The following HTT variants were observed in gnomAD, a reference collection of about 807,000 sequenced individuals.
The protein encoded by HTT is huntington disease protein.
HTT carries 104 observed loss-of-function variants against 362.3 expected under a neutral mutation model. That is an observed-to-expected ratio of 0.29 (90% confidence interval 0.24 to 0.34). The LOEUF (loss-of-function observed/expected upper bound fraction) is 0.34, where lower values mean the gene tolerates loss of function less well. Ranked by LOEUF, HTT falls within the 10% of genes least tolerant of loss-of-function variation. The pLI is 1.00. For missense variants in HTT, 3,301 were observed against 3,928.6 expected, an observed-to-expected ratio of 0.84 and a Z score of 4.27; for synonymous variants, 1,577 against 1,548.7, an observed-to-expected ratio of 1.02 and a Z score of -0.43.
chr4:3,103,714 T>C (rs1714273720), intron 3 of HTT, 110 bp from the exon 4 acceptor site: 2 of 687,910 alleles, frequency 2.9e-6, no homozygotes, highest in East Asian at 2.5e-5. Context: ...TTAATTTAGT[T>C]GCTATTATGT....
intron 61 of HTT, among the ~76,000 whole-genome samples, chr4:3,234,739 G>A (rs949027726): frequency 6.6e-6 from 1 of 152,218 alleles, no homozygotes; most frequent in East Asian, 1.9e-4. Context: ...CGTGGTGACA[G>A]ATATACGCAT....
At chr4:3,225,150 G>A (rs768097762) in intron 56 of HTT, among the ~76,000 whole-genome samples, 1 of 151,986 alleles carries the variant, frequency 6.6e-6, no homozygotes, top group Non-Finnish European at 1.5e-5. Flanking sequence ...GCTGGCCTGG[G>A]GCGTGGGGGG....
At chr4:3,224,154 G>A in intron 56 of HTT, 23 bp downstream of exon 56, 1 of 1,613,272 alleles carries the variant, frequency 6.2e-7, no homozygotes, top group Non-Finnish European at 8.5e-7. Context: ...AAGGGTGCGG[G>A]GGAGCGGTTG....
At chr4:3,094,545 G>GC (rs927780207) in intron 2 of HTT, among the ~76,000 whole-genome samples, 2 of 143,766 alleles carry the variant, frequency 1.4e-5, no homozygotes, top group Middle Eastern at 8.5e-3. Context: ...GGCGGGGGCT[G>GC]CCCCCCACCT....
At chr4:3,217,011 C>T (rs960055962) in intron 51 of HTT, among the ~76,000 whole-genome samples, 1 of 148,596 alleles carries the variant, frequency 6.7e-6, no homozygotes, top group Non-Finnish European at 1.5e-5. Flanking sequence ...GGCGACAGAG[C>T]AAGACTCCGT....
At position 3,233,189 on chromosome 4, in the gene HTT, C is replaced by A; in HGVS notation, c.8292C>A (p.Ser2764Arg). The part of the protein sequence containing the change: ...GMDKAVAEPV[S>R]RLLESTLRSS... ...ACAAGGCCGTGGCGGAGCCTGTCAG[C>A]CGCCTGCTGGAGAGCACGCTCAGGA... The change falls in exon 61 of 67, where the codon AGC becomes AGA. Residue 2764 changes from serine to arginine, a missense_variant. Coordinates refer to ENST00000355072, the MANE Select transcript of HTT (RefSeq NM_001388492.1). 1 of 1,591,036 alleles carries A rather than the reference C, an allele frequency of 6.3e-7. No individual in the cohort carries two copies.
intron 2 of HTT, among the ~76,000 whole-genome samples, chr4:3,097,892 T>G (rs1283583988): frequency 6.6e-6 from 1 of 152,242 alleles, no homozygotes; most frequent in Non-Finnish European, 1.5e-5. Flanking sequence ...CTGAATTTTA[T>G]GAAGTCTAAT....
At position 3,169,050 on chromosome 4, in the gene HTT, G is replaced by A. The variant is rs112634454; in HGVS notation, c.3865-3270G>A. ...TTTTTTTTTTTTGAGACAGTGTCTCGCTCTGTCGCCTGCGTTGGAGTGCAG... is the reference window on the plus strand; with the variant it reads ...TTTTTTTTTTTTGAGACAGTGTCTCACTCTGTCGCCTGCGTTGGAGTGCAG... On this transcript the variant is annotated intron_variant, in intron 29 of 66. Transcript: ENST00000355072. Among the ~76,000 whole-genome samples the A allele has an allele frequency of 6.8e-3, 933 of 136,482 alleles. 13 individuals are homozygous for A. The highest frequency in any genetic ancestry group is 0.029 in the African/African-American group (891 of 30,638). The allele number at this position is 136,482 out of a possible 152,430, so 89.5% of individuals were successfully genotyped here.
intron 6 of HTT, among the ~76,000 whole-genome samples, chr4:3,111,308 C>G (rs940586462): frequency 6.6e-6 from 1 of 151,992 alleles, no homozygotes; most frequent in Non-Finnish European, 1.5e-5. Flanking sequence ...GTTCTCCTGC[C>G]TCAGCCTCTC....
rs371306454 is a variant in HTT, at chr4:3,216,852, C to T, written c.7055-913C>T. On this transcript the variant is annotated intron_variant, in intron 51 of 66. Coordinates refer to ENST00000355072, the MANE Select transcript of HTT (RefSeq NM_001388492.1). The stretch of plus-strand genomic sequence containing the variant: ...CATCCCAGCTAAAACGGTGAAACCC[C>T]GTCTCTACTAAAAATACAAAAAATT... Among the ~76,000 whole-genome samples, 7 of 151,918 alleles carry T rather than the reference C, an allele frequency of 4.6e-5. No homozygotes were observed. The South Asian group carries it at 6.3e-4, about 14-fold the overall frequency.
chr4:3,085,218 A>C (rs1016291599), intron 1 of HTT, among the ~76,000 whole-genome samples: 1 of 151,576 alleles, frequency 6.6e-6, no homozygotes, highest in African/African-American at 2.4e-5. Context: ...GTGCACTGCA[A>C]CCTCTGCCTC....
At chr4:3,088,480 T>C (rs1196197616) in intron 2 of HTT, among the ~76,000 whole-genome samples, 3 of 152,214 alleles carry the variant, frequency 2.0e-5, no homozygotes, top group Non-Finnish European at 2.9e-5. Context: ...GGCCCTCTCT[T>C]GTCTTTTTAT....
intron 2 of HTT, among the ~76,000 whole-genome samples, chr4:3,092,352 A>T (rs1000251797): frequency 4.6e-5 from 7 of 152,180 alleles, no homozygotes; most frequent in Non-Finnish European, 1.0e-4. Flanking sequence ...GTTAGTTAAC[A>T]TTCATAGATA....
At chr4:3,163,977 T>A (rs1038852091) in intron 29 of HTT, among the ~76,000 whole-genome samples, 1 of 152,108 alleles carries the variant, frequency 6.6e-6, no homozygotes, top group Non-Finnish European at 1.5e-5. Context: ...GCTTTTGAAT[T>A]TGTTTGCTCT....
chr4:3,107,701 A>G (rs1378398853), intron 6 of HTT, among the ~76,000 whole-genome samples: 2 of 152,206 alleles, frequency 1.3e-5, no homozygotes, highest in Non-Finnish European at 2.9e-5. Context: ...TCGGCGTACT[A>G]GAGTGACTCT....
chr4:3,197,847 C>T (rs1023560850), intron 40 of HTT, among the ~76,000 whole-genome samples: 1 of 152,188 alleles, frequency 6.6e-6, no homozygotes. Flanking sequence ...ACCCCTACAT[C>T]CCGGGTCTGT....
chr4:3,140,935 C>T (rs1475015097), intron 22 of HTT, among the ~76,000 whole-genome samples: 1 of 135,232 alleles, frequency 7.4e-6, no homozygotes, highest in Non-Finnish European at 1.7e-5. Context: ...GTTTGTGACA[C>T]TTACGTATTA....
At chr4:3,161,327 G>T (rs1401457336) in intron 29 of HTT, among the ~76,000 whole-genome samples, 2 of 152,180 alleles carry the variant, frequency 1.3e-5, no homozygotes, top group African/African-American at 2.4e-5. Context: ...ATCATTGATG[G>T]ACATTCGGGT....
In HTT at chr4:3,127,569, G is replaced by T. The variant is rs1237679058; in HGVS notation, c.1708G>T (p.Asp570Tyr). 3.7e-6 allele frequency: 6 copies of T among 1,613,840 alleles called. No individual in the cohort carries two copies. The highest frequency in any genetic ancestry group is 5.1e-6 in the Non-Finnish European group (6 of 1,179,832). The change falls in exon 12 of 67, where the codon GAT (aspartate) becomes TAT (tyrosine). Residue 570 changes from aspartate to tyrosine, a missense_variant. Around this residue, in one of 4 missense-constraint regions of HTT, gnomAD observed 2,316 missense variants for 2,658.5 expected, o/e 0.87. Coordinates refer to ENST00000355072, the MANE Select transcript of HTT (RefSeq NM_001388492.1). ...DSSQTTTEGP[D>Y]SAVTPSDSSE... ...CTCCCAGACCACCACCGAAGGGCCT[G>T]ATTCAGCTGTTACCCCTTCAGACAG...
Sources: gnomAD v4.1 joint callset for allele counts (sites outside exome capture counted in the v4.1 genomes callset) on GRCh38, gnomAD v4.1.1 for gene constraint, gnomAD v4.1.1 regional missense constraint, MANE v1.5 for transcripts, NCBI Gene and HGNC (gene_info 2026-07-23, HGNC 2026-07-21) for gene names.